Variants in RGS9 observed in about 807,000 individuals in gnomAD.
RGS9 encodes regulator of G-protein signalling 9.
RGS9 carries 78 observed loss-of-function variants against 102.0 expected under a neutral mutation model. That is an observed-to-expected ratio of 0.76 (90% CI 0.64 to 0.92). RGS9 has a LOEUF of 0.92. Among genes scored for constraint, RGS9 ranks in the 40% least tolerant of loss-of-function variants. The probability of loss-of-function intolerance (pLI) is 0.00; values close to 1 mark genes in which losing one functional copy is unlikely to be tolerated. For synonymous variants in RGS9, 353 were observed against 318.6 expected, an observed-to-expected ratio of 1.11 and a Z score of -1.15; for missense variants, 833 against 866.1, an observed-to-expected ratio of 0.96 and a Z score of 0.48.
intron 9 of RGS9, among the ~76,000 whole-genome samples, chr17:65,183,065 T>TACCTATCTATCTATCTATC (rs1253005181): frequency 1.5e-4 from 7 of 46,456 alleles, no homozygotes; most frequent in African/African-American, 2.8e-4. Context: ...TTTTTAAATC[T>TACCTATCTATCTATCTATC]ATCTATCTAT....
At chr17:65,163,977 A>C in intron 7 of RGS9, among the ~76,000 whole-genome samples, 1 of 152,196 alleles carries the variant, frequency 6.6e-6, no homozygotes, top group Non-Finnish European at 1.5e-5. Context: ...TCATGTTAGA[A>C]CCACGCCTCG....
chr17:65,159,540 A>T (rs951584677), intron 3 of RGS9, among the ~76,000 whole-genome samples: 1 of 151,658 alleles, frequency 6.6e-6, no homozygotes, highest in Non-Finnish European at 1.5e-5. Context: ...TGGGATGGGG[A>T]GATGGGTTGG....
intron 9 of RGS9, among the ~76,000 whole-genome samples, chr17:65,183,574 G>A (rs1364328859): frequency 6.6e-6 from 1 of 152,196 alleles, no homozygotes; most frequent in Non-Finnish European, 1.5e-5. Context: ...TGGGATTACA[G>A]GTATGAACCA....
intron 11 of RGS9, among the ~76,000 whole-genome samples, chr17:65,191,154 G>A (rs551356755): frequency 6.6e-6 from 1 of 152,266 alleles, no homozygotes; most frequent in Admixed American, 6.5e-5. Context: ...GTACTCAGGG[G>A]CATTCACTTT....
intron 8 of RGS9, among the ~76,000 whole-genome samples, chr17:65,171,416 T>C (rs548080418): frequency 3.9e-4 from 59 of 152,332 alleles, no homozygotes; most frequent in African/African-American, 1.4e-3. Flanking sequence ...TGCTCAGTTC[T>C]GGGAGAGGAA....
rs1410820318 is a variant in RGS9 at position 65,184,571 on chromosome 17, G to A, written c.655-4715G>A. On this transcript the variant is annotated intron_variant, in intron 9 of 18. Transcript: ENST00000262406. ...GAGAAATTAGAGGCTCTGAGATGCT[G>A]AGCAACTCATCCAAGGTCATAGCCA... is the stretch of plus-strand genomic sequence containing the variant. Among the ~76,000 whole-genome samples the A allele has an allele frequency of 2.0e-5, 3 of 152,042 alleles. No homozygotes were observed. The East Asian group carries it at 5.8e-4, about 29-fold the overall frequency.
chr17:65,208,704 T>G (rs1199785716), intron 16 of RGS9, among the ~76,000 whole-genome samples: 1 of 152,200 alleles, frequency 6.6e-6, no homozygotes. Flanking sequence ...GTTTTTCCAC[T>G]GGCAATCGTG....
At chr17:65,195,109 T>C (rs866828607) in intron 12 of RGS9, among the ~76,000 whole-genome samples, 4 of 152,298 alleles carry the variant, frequency 2.6e-5, no homozygotes, top group Admixed American at 6.5e-5. Context: ...CTGCAGCCCA[T>C]GTCTGCCTCC....
At chr17:65,200,330 C>T (rs148020028) in intron 13 of RGS9, among the ~76,000 whole-genome samples, 1,550 of 152,296 alleles carry the variant, frequency 0.01, 21 homozygotes, top group African/African-American at 0.035. Flanking sequence ...CATGCCCAGC[C>T]GAAATCTTCT....
intron 9 of RGS9, among the ~76,000 whole-genome samples, chr17:65,181,990 A>G (rs915698539): frequency 6.6e-6 from 1 of 152,030 alleles, no homozygotes; most frequent in Non-Finnish European, 1.5e-5. Flanking sequence ...TACCTAGCCA[A>G]TTTCCTCTTC....
intron 9 of RGS9, among the ~76,000 whole-genome samples, chr17:65,181,340 T>C (rs1463951686): frequency 2.6e-5 from 4 of 152,350 alleles, no homozygotes; most frequent in African/African-American, 9.6e-5. Context: ...TTCTGACTAG[T>C]GTGAGATGTT....
At chr17:65,150,401 C>T (rs1338877973) in intron 1 of RGS9, among the ~76,000 whole-genome samples, 1 of 152,140 alleles carries the variant, frequency 6.6e-6, no homozygotes, top group South Asian at 2.1e-4. Flanking sequence ...GCGGGTGGAT[C>T]ATTTGAGGTC....
intron 1 of RGS9, among the ~76,000 whole-genome samples, chr17:65,148,324 A>T (rs532976516): frequency 4.5e-4 from 68 of 152,338 alleles, no homozygotes; most frequent in Middle Eastern, 6.8e-3. Context: ...GACAGTGGAC[A>T]CTTAGGTTAT....
intron 13 of RGS9, 36 bp from the exon 14 acceptor site, chr17:65,201,957 C>T (rs1345715392): frequency 2.2e-6 from 3 of 1,390,556 alleles, no homozygotes; most frequent in Non-Finnish European, 3.1e-6. Context: ...TTATTTCCTG[C>T]CCGGCCCTCA....
At chr17:65,214,038 T>C (rs1250705240) in intron 17 of RGS9, among the ~76,000 whole-genome samples, 1 of 152,204 alleles carries the variant, frequency 6.6e-6, no homozygotes, top group African/African-American at 2.4e-5. Context: ...CATGGCTCAC[T>C]GCAGCCTTGA....
Position 65,158,285 on chromosome 17 carries a change from T to G in RGS9, c.155-10T>G. On this transcript the variant is annotated splice_polypyrimidine_tract_variant and intron_variant, in intron 2 of 18. Transcript: ENST00000262406. The stretch of plus-strand genomic sequence containing the variant: ...TATGACAATAACCGCAAATGTCTCT[T>G]GTTTTTCAGGAAGTGATGTTCTGCA... 6.2e-7 allele frequency: 1 copy of G among 1,614,094 alleles called. No individual in the cohort carries two copies. The highest frequency in any genetic ancestry group is 8.5e-7 in the Non-Finnish European group (1 of 1,179,986).
rs1325683046 is a variant in RGS9, at chr17:65,137,399, G to A, written c.-142G>A. ...AGCGGCGCCTAGTGAGAGTCAGGGG[G>A]GCCCGGCCCGCGCCCTCCCCGCCCA... On this transcript the variant is annotated 5_prime_UTR_variant, in exon 1 of 19. Coordinates refer to ENST00000262406, the MANE Select transcript of RGS9 (RefSeq NM_003835.4). 1.3e-6 allele frequency: 1 copy of A among 783,138 alleles called. No individual in the cohort carries two copies. Among genetic ancestry groups the A allele is most frequent in the Non-Finnish European group, 2.2e-6 (1 of 456,596 alleles). The allele number at this position is 783,138 out of a possible 1,614,324, so 48.5% of individuals were successfully genotyped here. A position where few individuals can be genotyped will look rare whatever the true frequency, so the allele number is the denominator to read the frequency against.
chr17:65,222,574 G>C lies in RGS9; in HGVS notation c.1408-2428G>C, dbSNP rs1040668942. 8.5e-5 allele frequency among the ~76,000 whole-genome samples: 13 copies of C among 152,134 alleles called. No homozygotes were observed. In the East Asian group the frequency reaches 2.5e-3, roughly 29 times the overall value. ...TCTAAAATGGGGTGGTTATAGATAA[G>C]CAAAGTACCTAGCATGTAGTAGATA... On this transcript the variant is annotated intron_variant, in intron 17 of 18. Coordinates refer to ENST00000262406, the MANE Select transcript of RGS9 (RefSeq NM_003835.4).
rs371275167 is a variant in RGS9, at chr17:65,190,177, C to G, written c.687C>G (p.Ile229Met). ...TCTAACAACTGTGTCTCTTCCAGAT[C>G]ATGTATTACCAACAGGCCTTGATGA... ...KQTVVAVKKE[I>M]MYYQQALMRS... Residue 229 changes from isoleucine to methionine, a missense_variant and splice_region_variant, in exon 11 of 19, where the codon ATC becomes ATG. This residue lies in a region of RGS9 where 328 missense variants were observed against 340.6 expected (regional missense o/e 0.96). Transcript: ENST00000262406. 53 of 1,612,312 alleles carry G rather than the reference C, an allele frequency of 3.3e-5. No individual in the cohort carries two copies. The African/African-American group carries it at 6.1e-4, about 19-fold the overall frequency.
Sources: gnomAD v4.1 joint callset for allele counts (sites outside exome capture counted in the v4.1 genomes callset) on GRCh38, gnomAD v4.1.1 for gene constraint, gnomAD v4.1.1 regional missense constraint, MANE v1.5 for transcripts, NCBI Gene and HGNC (gene_info 2026-07-23, HGNC 2026-07-21) for gene names.